Variants in EPHA7 observed in about 807,000 individuals in gnomAD.
EPHA7 encodes ephrin type-A receptor 7.
EPHA7 carries 25 observed loss-of-function variants against 112.6 expected under a neutral mutation model. The observed-to-expected ratio is 0.22, with a 90% CI of 0.16 to 0.31. The LOEUF (loss-of-function observed/expected upper bound fraction) is 0.31, where lower values mean the gene tolerates loss of function less well. Ranked by LOEUF, EPHA7 falls within the 10% of genes least tolerant of loss-of-function variation. The pLI is 1.00. For synonymous variants in EPHA7, 437 were observed against 406.5 expected (o/e 1.07, Z -0.90); for missense variants, 962 against 1,212.6 (o/e 0.79, Z 3.07).
intron 16 of EPHA7, among the ~76,000 whole-genome samples, chr6:93,244,219 T>C (rs916462846): frequency 5.9e-5 from 9 of 152,114 alleles, no homozygotes; most frequent in African/African-American, 1.9e-4. Context: ...TGCAAAACTA[T>C]AGCACCGTAG....
At chr6:93,366,204 A>C (rs956592062) in intron 3 of EPHA7, among the ~76,000 whole-genome samples, 3 of 152,164 alleles carry the variant, frequency 2.0e-5, no homozygotes, top group African/African-American at 7.2e-5. Context: ...TCTACTTTAT[A>C]AATACGAGCC....
intron 3 of EPHA7, among the ~76,000 whole-genome samples, chr6:93,395,763 C>T (rs1778140001): frequency 6.6e-6 from 1 of 151,766 alleles, no homozygotes; most frequent in African/African-American, 2.4e-5. Context: ...AGGCTTAGTT[C>T]CTCCACTAAA....
rs1770804925 is a variant in EPHA7 at position 93,263,864 on chromosome 6, A to G, written c.1794T>C (p.Phe598=). The change falls in exon 9 of 17, where the codon TTT becomes TTC. Residue 598 remains phenylalanine, a synonymous_variant. Coordinates refer to ENST00000369303, the MANE Select transcript of EPHA7 (RefSeq NM_004440.4). ...AAAGAAAAGCCAAACACTTACAATG[A>G]AAGTAAAGCTCTTCATCGCCTTCTT... ...ADQEGDEELY[F]HFKFPGTKTY... 6.2e-7 allele frequency: 1 copy of G among 1,608,998 alleles called. No homozygotes were observed. The highest frequency in any genetic ancestry group is 1.7e-5 in the Admixed American group (1 of 59,702).
chr6:93,248,039 A>T (rs562208581), intron 14 of EPHA7, among the ~76,000 whole-genome samples: 1 of 152,262 alleles, frequency 6.6e-6, no homozygotes, highest in East Asian at 1.9e-4. Flanking sequence ...CTAAAACAGC[A>T]TTCGAGGGGG....
chr6:93,272,940 C>G (rs1771298316), intron 5 of EPHA7, among the ~76,000 whole-genome samples: 1 of 151,806 alleles, frequency 6.6e-6, no homozygotes, highest in Admixed American at 6.6e-5. Flanking sequence ...GAATTCCAAA[C>G]AACTTTGGAA....
At chr6:93,388,059 T>C (rs1331084874) in intron 3 of EPHA7, among the ~76,000 whole-genome samples, 2 of 151,938 alleles carry the variant, frequency 1.3e-5, no homozygotes, top group Admixed American at 6.6e-5. Flanking sequence ...GAACATAGAG[T>C]AATCCAAATA....
chr6:93,373,417 G>T (rs1776899680), intron 3 of EPHA7, among the ~76,000 whole-genome samples: 1 of 152,022 alleles, frequency 6.6e-6, no homozygotes, highest in Non-Finnish European at 1.5e-5. Context: ...TAGAAATGGT[G>T]AATTCCATAA....
At chr6:93,295,854 T>A (rs972059919) in intron 5 of EPHA7, among the ~76,000 whole-genome samples, 1 of 151,902 alleles carries the variant, frequency 6.6e-6, no homozygotes, top group Admixed American at 6.6e-5. Flanking sequence ...ATTTCATGGC[T>A]TTATAATACA....
At chr6:93,358,542 T>A (rs1203886831) in intron 3 of EPHA7, 131 bp from the exon 4 acceptor site, 2 of 735,326 alleles carry the variant, frequency 2.7e-6, no homozygotes, top group Non-Finnish European at 4.1e-6. Flanking sequence ...TGATAAAATA[T>A]TCATTTTAGG....
rs1051849262 is a variant in EPHA7, at chr6:93,241,611, C to T, written c.*1815G>A. The T allele has an allele frequency of 1.8e-5, 4 of 217,164 alleles. No individual in the cohort carries two copies. Among genetic ancestry groups the T allele is most frequent in the Non-Finnish European group, 3.7e-5 (4 of 108,438 alleles). The allele number at this position is 217,164 out of a possible 1,614,324, so 13.5% of individuals were successfully genotyped here. A position where few individuals can be genotyped will look rare whatever the true frequency, so the allele number is the denominator to read the frequency against. ...AATTAAAATATCAAATAACACTGTA[C>T]AGTGATTTAAAACCAAAAAAAAAGG... On this transcript the variant is annotated 3_prime_UTR_variant, in exon 17 of 17. Transcript: ENST00000369303.
chr6:93,350,393 A>T (rs1055496813), intron 5 of EPHA7, among the ~76,000 whole-genome samples: 3 of 152,040 alleles, frequency 2.0e-5, no homozygotes, highest in African/African-American at 7.2e-5. Context: ...TAAGAAGTGT[A>T]TTTGATTGCA....
chr6:93,263,988 T>C, intron 8 of EPHA7, 73 bp from the exon 9 acceptor site: 2 of 1,123,372 alleles, frequency 1.8e-6, no homozygotes, highest in Non-Finnish European at 2.6e-6. Flanking sequence ...CAATGTACCT[T>C]AGTTACTCAA....
Position 93,356,847 on chromosome 6 carries a change from G to C in EPHA7, c.1194C>G (p.Asn398Lys). 6.2e-7 allele frequency: 1 copy of C among 1,614,178 alleles called. No homozygotes were observed. The highest frequency in any genetic ancestry group is 8.5e-7 in the Non-Finnish European group (1 of 1,180,032). The change falls in exon 5 of 17, where the codon AAC becomes AAG. Residue 398 changes from asparagine (N) to lysine (K), a missense_variant. By Grantham distance (94) the Asn-to-Lys change is moderately conservative. Around this residue, in one of 3 missense-constraint regions of EPHA7, gnomAD observed 746 missense variants for 889.2 expected, o/e 0.84. Transcript: ENST00000369303. ...YMPQQTGLED[N>K]YVTVMDLLAH... ...CTAGCAGGTCCATGACAGTGACATA[G>C]TTATCCTCTAATCCAGTCTGCTGGG...
intron 3 of EPHA7, chr6:93,409,878 C>T (rs944370264): frequency 8.3e-6 from 1 of 119,836 alleles, no homozygotes; most frequent in African/African-American, 3.1e-5. Flanking sequence ...CCCACTTTCA[C>T]AAAAATGTGG....
intron 4 of EPHA7, among the ~76,000 whole-genome samples, chr6:93,357,707 G>C (rs988681231): frequency 3.3e-5 from 5 of 149,734 alleles, no homozygotes; most frequent in African/African-American, 1.2e-4. Context: ...AAGCTGGAGT[G>C]TAGTGGCACA....
intron 3 of EPHA7, among the ~76,000 whole-genome samples, chr6:93,374,790 G>T (rs1326416282): frequency 6.6e-6 from 1 of 152,094 alleles, no homozygotes; most frequent in East Asian, 1.9e-4. Flanking sequence ...GAATAATAGT[G>T]ACACTTTCCT....
At chr6:93,258,400 T>G (rs1314052369) in intron 10 of EPHA7, 116 bp from the exon 11 acceptor site, 4 of 1,112,178 alleles carry the variant, frequency 3.6e-6, no homozygotes, top group Non-Finnish European at 5.0e-6. Context: ...TGAAAGCATT[T>G]TAAAATATTT....
rs144299509 is a variant in EPHA7 at position 93,385,580 on chromosome 6, AC to A, written c.832+24920del. 2.6e-5 allele frequency among the ~76,000 whole-genome samples: 4 copies of A among 152,132 alleles called. No individual in the cohort carries two copies. The East Asian group carries it at 7.7e-4, about 29-fold the overall frequency. ...TAACAACAACCAAAAAAGTACTTGC[AC>A]CCCACTTATTAATGAGACTGAAGAA... On this transcript the variant is annotated intron_variant, in intron 3 of 16. Transcript: ENST00000369303.
At chr6:93,382,974 C>T (rs892313579) in intron 3 of EPHA7, among the ~76,000 whole-genome samples, 5 of 152,128 alleles carry the variant, frequency 3.3e-5, no homozygotes, top group African/African-American at 1.2e-4. Flanking sequence ...GCTTCCGTCT[C>T]TTTGTCCACT....
Sources: allele counts gnomAD v4.1 joint callset (sites outside exome capture counted in the v4.1 genomes callset), GRCh38; gene constraint gnomAD v4.1.1; regional missense constraint gnomAD v4.1.1; transcripts MANE v1.5; gene names NCBI Gene and HGNC (gene_info 2026-07-23, HGNC 2026-07-21).